The following ZBTB47 variants were observed in gnomAD, a reference collection of about 807,000 sequenced individuals.
The protein encoded by ZBTB47 is zinc finger and BTB domain containing 47.
ZBTB47 carries 24 observed loss-of-function variants against 56.6 expected under a neutral mutation model. The ratio of observed to expected loss-of-function variants is 0.42; its 90% confidence interval spans 0.31 to 0.60. The LOEUF (loss-of-function observed/expected upper bound fraction) is 0.60, where lower values mean the gene tolerates loss of function less well. Ranked by LOEUF, ZBTB47 falls within the 20% of genes least tolerant of loss-of-function variation. ZBTB47 has a pLI of 0.14. For synonymous variants in ZBTB47, 414 were observed against 418.9 expected, an observed-to-expected ratio of 0.99 and a Z score of 0.14; for missense variants, 829 against 1,032.6, an observed-to-expected ratio of 0.80 and a Z score of 2.70.
rs773809491 is a variant in ZBTB47, at chr3:42,659,777, G to A, written c.1422G>A (p.Leu474=). The A allele has an allele frequency of 1.2e-6, 2 of 1,613,564 alleles. No homozygotes were observed. Among genetic ancestry groups the A allele is most frequent in the Admixed American group, 1.7e-5 (1 of 59,984 alleles). The change falls in exon 2 of 6, where the codon CTG becomes CTA. Residue 474 remains leucine, a synonymous_variant. Coordinates refer to ENST00000232974, the MANE Select transcript of ZBTB47 (RefSeq NM_145166.4). ...ACCAGTGCGGCAAGCGCTTCCTGCT[G>A]GAGAGCGAGCTGCTGCTGCACAGGC... ...ICDQCGKRFL[L]ESELLLHRQT...
Position 42,663,102 on chromosome 3 carries a change from C to G in ZBTB47, c.1712C>G (p.Ser571Ter). The G allele has an allele frequency of 6.2e-7, 1 of 1,613,844 alleles. No individual in the cohort carries two copies. The highest frequency in any genetic ancestry group is 8.5e-7 in the Non-Finnish European group (1 of 1,179,714). Residue 571 changes from serine to a stop codon, truncating the protein, a stop_gained, in exon 4 of 6, where the codon TCA (serine) becomes TGA (stop). Transcript: ENST00000232974. LOFTEE classifies it high-confidence loss of function. This position sits in a 1 kb window ranked among gnomAD's most constrained non-coding sequence, Gnocchi z 5.1. ...MSLKVHSLQH[S>*]GEKPFRCENC... is the part of the protein sequence containing the mutation. ...CTCAAGGTGCACTCACTGCAGCACT[C>G]AGGGGAGAAGCCGTTCAGATGTGAG...
At position 42,654,887 on chromosome 3, in the gene ZBTB47, G is replaced by A. The variant is rs553218840; in HGVS notation, c.-82+1004G>A. Among the ~76,000 whole-genome samples the A allele has an allele frequency of 1.3e-5, 2 of 150,874 alleles. No individual in the cohort carries two copies. The highest frequency in any genetic ancestry group is 2.0e-4 in the East Asian group (1 of 4,988). On this transcript the variant is annotated intron_variant, in intron 1 of 5. Transcript: ENST00000232974. The surrounding 1 kb of genome is among the most constrained non-coding windows in gnomAD (Gnocchi z 5.0). ...TGGCGCTGCTCTCGGTGGGGAGGGG[G>A]TTAAATTCCTGTGGTGGGGGCGCCG...
At chr3:42,661,003 C>T (rs902090366) in intron 2 of ZBTB47, among the ~76,000 whole-genome samples, 2 of 152,196 alleles carry the variant, frequency 1.3e-5, no homozygotes, top group African/African-American at 4.8e-5. Flanking sequence ...CTGTCCTCCT[C>T]AGCCAACGCC....
chr3:42,658,411 TG>T lies in ZBTB47; in HGVS notation c.58del (p.Val20CysfsTer16). On this transcript the variant is annotated frameshift_variant, in exon 2 of 6. Transcript: ENST00000232974. LOFTEE classifies it high-confidence loss of function. ...LFQPDLCDVD[L>X]VLVPQRSVFP... ...CAGCCTGACCTCTGCGACGTGGACT[TG>T]GTGCTGGTGCCCCAGCGCAGCGTCT... is the stretch of plus-strand genomic sequence containing the variant. The T allele has an allele frequency of 6.5e-7, 1 of 1,536,992 alleles. No homozygotes were observed. The highest frequency in any genetic ancestry group is 8.7e-7 in the Non-Finnish European group (1 of 1,146,906).
chr3:42,653,293 C>A (rs1021013449), upstream of ZBTB47, among the ~76,000 whole-genome samples: 3 of 152,234 alleles, frequency 2.0e-5, no homozygotes, highest in African/African-American at 7.2e-5. Context: ...TGAGCCAGCG[C>A]CAGAGTTCCT....
At chr3:42,662,509 G>A (rs567140533) in intron 3 of ZBTB47, among the ~76,000 whole-genome samples, 1 of 152,332 alleles carries the variant, frequency 6.6e-6, no homozygotes, top group East Asian at 1.9e-4. Context: ...GCTGGGAGGA[G>A]TGCAGCTAAC....
rs1188411706 is a variant in ZBTB47 at position 42,663,406 on chromosome 3, G to C, written c.1737+279G>C. ...CTACAGCCCTAGGAGCAGGCTTTCT[G>C]GGGAGGCAGATTCAGGAGCATCCCA... is the stretch of plus-strand genomic sequence containing the variant. On this transcript the variant is annotated intron_variant, in intron 4 of 5. Coordinates refer to ENST00000232974, the MANE Select transcript of ZBTB47 (RefSeq NM_145166.4). This position sits in a 1 kb window ranked among gnomAD's most constrained non-coding sequence, Gnocchi z 5.1. 6.6e-6 allele frequency among the ~76,000 whole-genome samples: 1 copy of C among 152,114 alleles called. No homozygotes were observed. The highest frequency in any genetic ancestry group is 1.5e-5 in the Non-Finnish European group (1 of 68,008).
chr3:42,663,844 G>C lies in ZBTB47; in HGVS notation c.1785G>C (p.Met595Ile). Residue 595 changes from methionine (M) to isoleucine (I), a missense_variant, in exon 5 of 6, where the codon ATG becomes ATC. By Grantham distance (10) the Met-to-Ile change is conservative. Around this residue, in one of 6 missense-constraint regions of ZBTB47, gnomAD observed 187 missense variants for 253.1 expected, o/e 0.74. Transcript: ENST00000232974. The surrounding 1 kb of genome is among the most constrained non-coding windows in gnomAD (Gnocchi z 5.1). ...FQYKYQLRSHMSIHIGHKQFM... is the reference protein window; with the variant it reads ...FQYKYQLRSHISIHIGHKQFM... The stretch of plus-strand genomic sequence containing the variant: ...ACAAGTACCAGCTGCGGTCACACAT[G>C]AGCATCCACATTGGCCACAAGCAGT... 6.2e-7 allele frequency: 1 copy of C among 1,613,670 alleles called. No individual in the cohort carries two copies. Among genetic ancestry groups the C allele is most frequent in the Non-Finnish European group, 8.5e-7 (1 of 1,179,818 alleles).
Position 42,658,823 on chromosome 3 carries a change from C to T in ZBTB47, c.468C>T (p.Ala156=). ...CCCCAGGCCTGCCCAAGATCTATGCCCGCGAGGGCCCTGACCCTTACTCGG... is the reference window on the plus strand; with the variant it reads ...CCCCAGGCCTGCCCAAGATCTATGCTCGCGAGGGCCCTGACCCTTACTCGG... ...ADTPGLPKIY[A]REGPDPYSVR... Residue 156 remains alanine, a synonymous_variant, in exon 2 of 6, where the codon GCC becomes GCT. Coordinates refer to ENST00000232974, the MANE Select transcript of ZBTB47 (RefSeq NM_145166.4). 6.5e-7 allele frequency: 1 copy of T among 1,533,830 alleles called. No homozygotes were observed. The highest frequency in any genetic ancestry group is 1.2e-5 in the South Asian group (1 of 83,604).
In ZBTB47 at chr3:42,664,481, A is replaced by G; in HGVS notation, c.2127A>G (p.Ala709=). Residue 709 remains alanine (A), a synonymous_variant, in exon 6 of 6, where the codon GCA becomes GCG. Coordinates refer to ENST00000232974, the MANE Select transcript of ZBTB47 (RefSeq NM_145166.4). ...GLPPTQPQAH[A]LPLLPGLPQT... ...CCCCAACCCAGCCCCAGGCGCACGC[A>G]CTGCCCCTGCTCCCGGGGCTGCCCC... 3 of 1,503,134 alleles carry G rather than the reference A, an allele frequency of 2.0e-6. No homozygotes were observed. Among genetic ancestry groups the G allele is most frequent in the East Asian group, 5.0e-5 (2 of 40,024 alleles). 93.1% of individuals were successfully genotyped at this position (1,503,134 alleles called of 1,614,324 possible).
chr3:42,656,693 A>T lies in ZBTB47; in HGVS notation c.-81-1582A>T, dbSNP rs897069637. On this transcript the variant is annotated intron_variant, in intron 1 of 5. Transcript: ENST00000232974. The surrounding 1 kb of genome is among the most constrained non-coding windows in gnomAD (Gnocchi z 5.8). ...GGCAGGGTCCAGGGCAGGCCTGGAG[A>T]CAGGTGGCCCCTGGTGGCTCAGGGA... is the stretch of plus-strand genomic sequence containing the variant. Among the ~76,000 whole-genome samples the T allele has an allele frequency of 5.9e-5, 9 of 151,738 alleles. No individual in the cohort carries two copies. The highest frequency in any genetic ancestry group is 2.2e-4 in the African/African-American group (9 of 41,292).
Position 42,659,390 on chromosome 3 carries a change from TGAGGAG to T in ZBTB47, c.1043_1048del (p.Glu348_Glu349del). On this transcript the variant is annotated inframe_deletion, in exon 2 of 6. Transcript: ENST00000232974. ...CTAGTGAGCAGGATCAAGAGAGCTC[TGAGGAG>T]GAGGAGGGGGAGGAGGGGGAGGCTG... 6.2e-6 allele frequency: 6 copies of T among 966,560 alleles called. No homozygotes were observed. The highest frequency in any genetic ancestry group is 7.5e-6 in the Non-Finnish European group (6 of 804,972). 59.9% of individuals were successfully genotyped at this position (966,560 alleles called of 1,614,324 possible).
At position 42,664,422 on chromosome 3, in the gene ZBTB47, G is replaced by A; in HGVS notation, c.2068G>A (p.Ala690Thr). ...GTGCTTCCGCGTCAGCCACACCCTG[G>A]CCGGCGACGGCGTCCCCGCTGCCCC... ...EKCFRVSHTL[A>T]GDGVPAAPGL... Residue 690 changes from alanine (A) to threonine (T), a missense_variant, in exon 6 of 6, where the codon GCC (alanine) becomes ACC (threonine). Around this residue, in one of 6 missense-constraint regions of ZBTB47, gnomAD observed 115 missense variants for 117.2 expected, o/e 0.98. Transcript: ENST00000232974. 1 of 1,550,464 alleles carries A rather than the reference G, an allele frequency of 6.4e-7. No individual in the cohort carries two copies. The highest frequency in any genetic ancestry group is 8.7e-7 in the Non-Finnish European group (1 of 1,150,328).
chr3:42,656,989 T>C lies in ZBTB47; in HGVS notation c.-81-1286T>C, dbSNP rs1255672667. Among the ~76,000 whole-genome samples, 2 of 152,198 alleles carry C rather than the reference T, an allele frequency of 1.3e-5. No homozygotes were observed. Among genetic ancestry groups the C allele is most frequent in the Admixed American group, 6.5e-5 (1 of 15,282 alleles). ...CTCCCGAATGCAGGAGGCTCAGACCTGGTTGGGCAGGCCCTGAGGAGAGCC... is the reference window on the plus strand; with the variant it reads ...CTCCCGAATGCAGGAGGCTCAGACCCGGTTGGGCAGGCCCTGAGGAGAGCC... On this transcript the variant is annotated intron_variant, in intron 1 of 5. Transcript: ENST00000232974. The surrounding 1 kb of genome is among the most constrained non-coding windows in gnomAD (Gnocchi z 5.8).
chr3:42,658,271 G>A lies in ZBTB47; in HGVS notation c.-81-4G>A, dbSNP rs1057444721. 7.1e-5 allele frequency: 105 copies of A among 1,469,468 alleles called. No individual in the cohort carries two copies. The highest frequency in any genetic ancestry group is 2.3e-4 in the Admixed American group (10 of 44,102). 91.0% of individuals were successfully genotyped at this position (1,469,468 alleles called of 1,614,324 possible). A position where few individuals can be genotyped will look rare whatever the true frequency, so the allele number is the denominator to read the frequency against. ...ACCCACTCCTGTGCCCTCTGTCCCC[G>A]CAGTTGCTGGTTGAGAAGACAACTG... On this transcript the variant is annotated splice_polypyrimidine_tract_variant and splice_region_variant and intron_variant, in intron 1 of 5. Coordinates refer to ENST00000232974, the MANE Select transcript of ZBTB47 (RefSeq NM_145166.4).
chr3:42,664,767 C>A lies in ZBTB47; in HGVS notation c.*169C>A. 1.4e-6 allele frequency: 1 copy of A among 725,128 alleles called. No homozygotes were observed. The highest frequency in any genetic ancestry group is 1.9e-6 in the Non-Finnish European group (1 of 516,688). 44.9% of individuals were successfully genotyped at this position (725,128 alleles called of 1,614,324 possible). ...GCCCCGACGAGGAGGGGTATGCAGG[C>A]TGGCAGGCCCCAGAGCTGGTGGAGG... On this transcript the variant is annotated 3_prime_UTR_variant, in exon 6 of 6. Transcript: ENST00000232974.
At position 42,659,783 on chromosome 3, in the gene ZBTB47, C is replaced by T. The variant is rs376871596; in HGVS notation, c.1428C>T (p.Ser476=). Residue 476 remains serine (S), a synonymous_variant, in exon 2 of 6, where the codon AGC becomes AGT. Transcript: ENST00000232974. ...DQCGKRFLLE[S]ELLLHRQTDC... The stretch of plus-strand genomic sequence containing the variant: ...GCGGCAAGCGCTTCCTGCTGGAGAG[C>T]GAGCTGCTGCTGCACAGGCAGACAG... 14 of 1,612,878 alleles carry T rather than the reference C, an allele frequency of 8.7e-6. No homozygotes were observed. The highest frequency in any genetic ancestry group is 1.3e-5 in the African/African-American group (1 of 74,906).
Position 42,654,043 on chromosome 3 carries a change from TG to T in ZBTB47, c.-82+164del, listed in dbSNP as rs1467370973. ...AGAGGGTGGGGGTGGTGAGCGCGGC[TG>T]GGGTGCGGGGTTCAGTCCCTCAGCG... On this transcript the variant is annotated intron_variant, in intron 1 of 5. Transcript: ENST00000232974. The surrounding 1 kb of genome is among the most constrained non-coding windows in gnomAD (Gnocchi z 5.0). The T allele has an allele frequency of 6.6e-6, 1 of 152,370 alleles. No homozygotes were observed. The highest frequency in any genetic ancestry group is 6.5e-5 in the Admixed American group (1 of 15,286). 9.4% of individuals were successfully genotyped at this position (152,370 alleles called of 1,614,324 possible).
At position 42,659,351 on chromosome 3, in the gene ZBTB47, A is replaced by G; in HGVS notation, c.996A>G (p.Glu332=). The G allele has an allele frequency of 7.3e-7, 1 of 1,374,134 alleles. No homozygotes were observed. The highest frequency in any genetic ancestry group is 2.4e-4 in the Middle Eastern group (1 of 4,084). 85.1% of individuals were successfully genotyped at this position (1,374,134 alleles called of 1,614,324 possible). A position where few individuals can be genotyped will look rare whatever the true frequency, so the allele number is the denominator to read the frequency against. ...HSEQEEEEEE[E]EEEGPSEQDQ... ...AGCAGGAAGAGGAAGAGGAGGAGGA[A>G]GAGGAGGAAGGGCCTAGTGAGCAGG... Residue 332 remains glutamate (E), a synonymous_variant, in exon 2 of 6, where the codon GAA becomes GAG. Transcript: ENST00000232974.
Sources: gnomAD v4.1 joint callset for allele counts (sites outside exome capture counted in the v4.1 genomes callset) on GRCh38, gnomAD v4.1.1 for gene constraint, gnomAD v4.1.1 regional missense constraint, Gnocchi (gnomAD v3.1) non-coding constraint, MANE v1.5 for transcripts, NCBI Gene and HGNC (gene_info 2026-07-23, HGNC 2026-07-21) for gene names.